Variants in IFT172 observed in about 807,000 individuals in gnomAD.
IFT172 encodes the protein intraflagellar transport 172.
IFT172 carries 164 observed loss-of-function variants against 248.9 expected under a neutral mutation model. The ratio of observed to expected loss-of-function variants is 0.66; its 90% CI spans 0.58 to 0.75. The LOEUF is 0.75. IFT172 is among the 30% of genes least tolerant of loss of function. IFT172 has a pLI of 0.00. For synonymous variants in IFT172, 729 were observed against 791.6 expected (o/e 0.92, Z 1.33); for missense variants, 1,950 against 2,192.4 (o/e 0.89, Z 2.21).
intron 17 of IFT172, 76 bp from the exon 18 acceptor site, chr2:27,465,594 C>T (rs760110327): frequency 2.7e-5 from 42 of 1,542,964 alleles, no homozygotes; most frequent in African/African-American, 4.1e-5. Flanking sequence ...GGTGATGGGG[C>T]AAGGGGAGGG....
At chr2:27,450,321 A>G (rs973172482) in intron 35 of IFT172, among the ~76,000 whole-genome samples, 8 of 152,102 alleles carry the variant, frequency 5.3e-5, no homozygotes, top group Non-Finnish European at 5.9e-5. Context: ...ACTCTTTCAG[A>G]TACTTCCTGC....
chr2:27,463,644 C>T (rs1666856307), intron 18 of IFT172, among the ~76,000 whole-genome samples: 1 of 151,566 alleles, frequency 6.6e-6, no homozygotes. Flanking sequence ...GATTGGATAC[C>T]CCTGTTATAG....
chr2:27,462,851 G>A, intron 19 of IFT172, 58 bp from the exon 20 acceptor site: 1 of 1,536,668 alleles, frequency 6.5e-7, no homozygotes, highest in Non-Finnish European at 9.0e-7. Flanking sequence ...CTGTCTGTGA[G>A]GGCTGAAATT....
At chr2:27,459,192 C>T (rs1666428482) in intron 25 of IFT172, 186 bp downstream of exon 25, 16 of 714,574 alleles carry the variant, frequency 2.2e-5, no homozygotes, top group East Asian at 1.4e-4. Flanking sequence ...GGGTGAAGGG[C>T]GATATCTGTG....
chr2:27,453,469 G>C lies in IFT172; in HGVS notation c.3866C>G (p.Ala1289Gly), dbSNP rs768543764. 5 of 1,614,044 alleles carry C rather than the reference G, an allele frequency of 3.1e-6. 1 individual carries two copies. The Admixed American group carries it at 8.3e-5, about 27-fold the overall frequency. ...GTCCACGGCACGGCTGTACTCTCCA[G>C]CCTGCTCCCAGTGTCGAGCTTGTTC... The part of the protein sequence containing the change: ...FVEQARHWEQ[A>G]GEYSRAVDCY... Residue 1289 changes from alanine (A) to glycine (G), a missense_variant, in exon 35 of 48, where the codon GCT (alanine) becomes GGT (glycine). Transcript: ENST00000260570.
chr2:27,479,947 C>T, intron 9 of IFT172, 79 bp downstream of exon 9: 2 of 1,516,562 alleles, frequency 1.3e-6, no homozygotes, highest in Non-Finnish European at 1.8e-6. Context: ...TGTCAGGGAA[C>T]AGTGCTTTAG....
At chr2:27,446,113 A>C (rs1665068385) in intron 43 of IFT172, 125 bp from the exon 44 acceptor site, 3 of 1,387,606 alleles carry the variant, frequency 2.2e-6, no homozygotes. Context: ...GGATCCAGGG[A>C]GAAAAATCCA....
At chr2:27,451,632 G>T (rs1475496219) in intron 35 of IFT172, among the ~76,000 whole-genome samples, 2 of 152,130 alleles carry the variant, frequency 1.3e-5, no homozygotes, top group East Asian at 3.8e-4. Flanking sequence ...CCGGCATGAT[G>T]GTGGGCACCT....
Position 27,470,910 on chromosome 2 carries a change from C to G in IFT172, c.1692+18G>C, listed in dbSNP as rs1422318326. ...TCAGCTCAATACCACATCTGAGGGC[C>G]CCTAGTGTCCAACATACCCTAATAG... On this transcript the variant is annotated intron_variant, in intron 16 of 47. Coordinates refer to ENST00000260570, the MANE Select transcript of IFT172 (RefSeq NM_015662.3). 6.4e-7 allele frequency: 1 copy of G among 1,566,844 alleles called. No individual in the cohort carries two copies. The highest frequency in any genetic ancestry group is 8.6e-7 in the Non-Finnish European group (1 of 1,160,066).
intron 15 of IFT172, 23 bp downstream of exon 15, chr2:27,472,227 A>C: frequency 2.6e-5 from 40 of 1,533,032 alleles, no homozygotes; most frequent in Non-Finnish European, 3.3e-5. Flanking sequence ...GCCAATGCCT[A>C]AGGCCTTAGT....
intron 16 of IFT172, 86 bp from the exon 17 acceptor site, chr2:27,465,968 C>A: frequency 6.6e-7 from 1 of 1,504,374 alleles, no homozygotes; most frequent in Middle Eastern, 1.7e-4. Context: ...CTCATCCGAC[C>A]CAGTCAGTGG....
At chr2:27,462,013 T>G (rs1666717857) in intron 20 of IFT172, among the ~76,000 whole-genome samples, 177 bp from the exon 21 acceptor site, 1 of 152,196 alleles carries the variant, frequency 6.6e-6, no homozygotes. Flanking sequence ...GCTCCTTATT[T>G]GCACACACCC....
intron 16 of IFT172, among the ~76,000 whole-genome samples, chr2:27,466,489 GA>G (rs1667093289): frequency 6.6e-6 from 1 of 152,112 alleles, no homozygotes; most frequent in South Asian, 2.1e-4. Context: ...GGGAACAAAA[GA>G]AATGGTTACA....
intron 1 of IFT172, among the ~76,000 whole-genome samples, chr2:27,487,098 A>G (rs809059): frequency 0.48 from 72,961 of 151,880 alleles, 18,919 homozygotes; most frequent in African/African-American, 0.67. Flanking sequence ...GTGTGCTACC[A>G]TGCCTGGCTA....
chr2:27,484,450 G>T (rs532493211), intron 3 of IFT172, among the ~76,000 whole-genome samples, 184 bp from the exon 4 acceptor site: 1 of 152,096 alleles, frequency 6.6e-6, no homozygotes, highest in South Asian at 2.1e-4. Flanking sequence ...AATTAGCCGG[G>T]TGTGGTGGTG....
At chr2:27,468,098 T>A (rs567716198) in intron 16 of IFT172, among the ~76,000 whole-genome samples, 5 of 150,190 alleles carry the variant, frequency 3.3e-5, no homozygotes, top group Non-Finnish European at 7.4e-5. Flanking sequence ...AGGAAGAGGT[T>A]GCAGTAAACC....
Position 27,480,055 on chromosome 2 carries a change from A to C in IFT172, c.880T>G (p.Trp294Gly). 1 of 1,613,928 alleles carries C rather than the reference A, an allele frequency of 6.2e-7. No homozygotes were observed. Among genetic ancestry groups the C allele is most frequent in the Non-Finnish European group, 8.5e-7 (1 of 1,179,858 alleles). ...TNLYTITALA[W>G]KRDGSRLCVG... ...CAGAGCCGTGAGCCATCCCGCTTCC[A>C]GGCCAAGGCAGTGATGGTGTATAAA... The change falls in exon 9 of 48, where the codon TGG becomes GGG. Residue 294 changes from tryptophan (W) to glycine (G), a missense_variant. Physicochemically the swap from Trp to Gly is radical, Grantham distance 184 (BLOSUM62 -2). This residue lies in a region of IFT172 where 1,166 missense variants were observed against 1,254.1 expected (regional missense o/e 0.93). Coordinates refer to ENST00000260570, the MANE Select transcript of IFT172 (RefSeq NM_015662.3).
intron 1 of IFT172, among the ~76,000 whole-genome samples, chr2:27,488,545 T>C (rs762906435): frequency 1.3e-5 from 2 of 152,234 alleles, no homozygotes; most frequent in Non-Finnish European, 2.9e-5. Context: ...TGTGAGCCAC[T>C]GGGCCTGGCC....
chr2:27,464,253 T>A (rs900050768), intron 18 of IFT172, among the ~76,000 whole-genome samples: 3 of 152,190 alleles, frequency 2.0e-5, no homozygotes, highest in African/African-American at 7.2e-5. Context: ...TGGCAGCAGG[T>A]GACATTTATC....
Sources: gnomAD v4.1 joint callset for allele counts (sites outside exome capture counted in the v4.1 genomes callset) on GRCh38, gnomAD v4.1.1 for gene constraint, gnomAD v4.1.1 regional missense constraint, MANE v1.5 for transcripts, NCBI Gene and HGNC (gene_info 2026-07-23, HGNC 2026-07-21) for gene names.